Variants in CEP170 observed in about 807,000 individuals in gnomAD.
CEP170 encodes the protein centrosomal protein 170.
CEP170 carries 21 observed loss-of-function variants against 151.9 expected under a neutral mutation model. The ratio of observed to expected loss-of-function variants is 0.14; its 90% CI spans 0.10 to 0.20. The LOEUF (loss-of-function observed/expected upper bound fraction) is 0.20, where lower values mean the gene tolerates loss of function less well. CEP170 is among the 10% of genes least tolerant of loss of function. The pLI is 1.00. For synonymous variants in CEP170, 356 were observed against 648.8 expected, an observed-to-expected ratio of 0.55 and a Z score of 6.86; for missense variants, 964 against 1,892.9, an observed-to-expected ratio of 0.51 and a Z score of 9.11.
At chr1:243,203,535 G>A (rs557977257) in intron 4 of CEP170, among the ~76,000 whole-genome samples, 3 of 152,194 alleles carry the variant, frequency 2.0e-5, no homozygotes, top group Middle Eastern at 3.4e-3. Flanking sequence ...ATTCCAAGGG[G>A]TATGACCTAA....
At chr1:243,216,451 GGT>G (rs893811589) in intron 3 of CEP170, among the ~76,000 whole-genome samples, 2 of 148,426 alleles carry the variant, frequency 1.3e-5, no homozygotes, top group African/African-American at 5.0e-5. Context: ...GAGAACATCT[GGT>G]GTTTGGTTTT....
intron 13 of CEP170, among the ~76,000 whole-genome samples, chr1:243,160,668 A>G (rs1304610642): frequency 6.6e-6 from 1 of 152,192 alleles, no homozygotes; most frequent in African/African-American, 2.4e-5. Context: ...TTAGTGGAAA[A>G]TTACCACAAA....
intron 1 of CEP170, among the ~76,000 whole-genome samples, chr1:243,243,189 A>G (rs1572633209): frequency 6.6e-6 from 1 of 152,092 alleles, no homozygotes; most frequent in South Asian, 2.1e-4. Flanking sequence ...ATGCCACTGC[A>G]CTCCAGCCTG....
chr1:243,130,897 A>T (rs952404133), intron 17 of CEP170, among the ~76,000 whole-genome samples: 5 of 151,780 alleles, frequency 3.3e-5, no homozygotes, highest in African/African-American at 1.2e-4. Context: ...TCTTTTCTAA[A>T]TTATTATGTT....
At chr1:243,176,274 C>G (rs1031491462) in intron 10 of CEP170, among the ~76,000 whole-genome samples, 1 of 151,980 alleles carries the variant, frequency 6.6e-6, no homozygotes, top group Non-Finnish European at 1.5e-5. Flanking sequence ...AATTTTTATG[C>G]TTGCACCCCA....
chr1:243,145,611 A>G (rs2056382859), intron 14 of CEP170, among the ~76,000 whole-genome samples: 1 of 152,192 alleles, frequency 6.6e-6, no homozygotes. Flanking sequence ...ATTCATTTTC[A>G]AACGTTTTTA....
chr1:243,195,171 G>A (rs2060561500), intron 7 of CEP170, among the ~76,000 whole-genome samples: 1 of 151,516 alleles, frequency 6.6e-6, no homozygotes, highest in African/African-American at 2.4e-5. Flanking sequence ...TTGCTTAAAA[G>A]GAGCTACGAC....
intron 1 of CEP170, among the ~76,000 whole-genome samples, chr1:243,242,509 C>G (rs750597846): frequency 7.2e-5 from 11 of 152,106 alleles, no homozygotes; most frequent in Non-Finnish European, 1.2e-4. Flanking sequence ...TGAGCCACCA[C>G]GCCCGGCCAA....
chr1:243,225,136 GT>G, intron 2 of CEP170, 39 bp downstream of exon 2: 1 of 1,263,950 alleles, frequency 7.9e-7, no homozygotes, highest in Non-Finnish European at 1.1e-6. Flanking sequence ...CTAATTTCAA[GT>G]TTTGAATAAA....
At chr1:243,178,964 G>A (rs187715812) in intron 10 of CEP170, among the ~76,000 whole-genome samples, 9 of 152,174 alleles carry the variant, frequency 5.9e-5, no homozygotes, top group Admixed American at 1.3e-4. Flanking sequence ...GTGATCACCC[G>A]CCTTGGCCTC....
chr1:243,192,414 T>C (rs1403166498), intron 7 of CEP170, among the ~76,000 whole-genome samples: 1 of 152,094 alleles, frequency 6.6e-6, no homozygotes, highest in Non-Finnish European at 1.5e-5. Flanking sequence ...TAAATAAAAA[T>C]GACAACTAAA....
At chr1:243,194,569 G>A (rs1300820044) in intron 7 of CEP170, among the ~76,000 whole-genome samples, 1 of 151,886 alleles carries the variant, frequency 6.6e-6, no homozygotes, top group Admixed American at 6.6e-5. Flanking sequence ...AATTCATTAT[G>A]TGGAAGGATT....
intron 18 of CEP170, chr1:243,128,698 T>C (rs2054005964): frequency 6.4e-6 from 1 of 156,182 alleles, no homozygotes; most frequent in African/African-American, 2.4e-5. Flanking sequence ...CCCAAAGGAG[T>C]TGGGATGATA....
At chr1:243,226,545 G>A (rs371219698) in intron 1 of CEP170, among the ~76,000 whole-genome samples, 22 of 152,032 alleles carry the variant, frequency 1.4e-4, no homozygotes, top group East Asian at 9.7e-4. Flanking sequence ...AAAAGGGAGA[G>A]GTAATTTAAT....
intron 17 of CEP170, among the ~76,000 whole-genome samples, chr1:243,131,233 T>C (rs1396755715): frequency 3.3e-5 from 5 of 152,314 alleles, no homozygotes; most frequent in African/African-American, 1.2e-4. Flanking sequence ...AGCTCATGCC[T>C]GTAATCCTAG....
intron 14 of CEP170, among the ~76,000 whole-genome samples, chr1:243,150,356 G>T (rs1168385358): frequency 6.6e-6 from 1 of 152,066 alleles, no homozygotes; most frequent in Non-Finnish European, 1.5e-5. Flanking sequence ...TCACCATGTT[G>T]CCCAGGCTGG....
In CEP170 at chr1:243,189,750, T is replaced by C. The variant is rs2148752003; in HGVS notation, c.1108+1268A>G. The stretch of plus-strand genomic sequence containing the variant: ...TATTTCTAAATTCTCAAGGTTCAGC[T>C]ACCTCTTATACTGTACTAGGAGATC... On this transcript the variant is annotated intron_variant, in intron 8 of 19. Transcript: ENST00000366542. Among the ~76,000 whole-genome samples the C allele has an allele frequency of 1.3e-5, 2 of 152,034 alleles. 1 individual carries two copies. The highest frequency in any genetic ancestry group is 6.8e-3 in the Middle Eastern group (2 of 294).
At chr1:243,215,047 A>G (rs1399759695) in intron 3 of CEP170, among the ~76,000 whole-genome samples, 1 of 152,152 alleles carries the variant, frequency 6.6e-6, no homozygotes, top group Non-Finnish European at 1.5e-5. Context: ...TAATACTTTT[A>G]TAATTTCTTA....
At chr1:243,213,224 G>A (rs181458615) in intron 3 of CEP170, among the ~76,000 whole-genome samples, 162 of 151,978 alleles carry the variant, frequency 1.1e-3, no homozygotes, top group African/African-American at 3.7e-3. Flanking sequence ...ACAGACCTAC[G>A]AGCATGATGC....
Sources: allele counts gnomAD v4.1 joint callset (sites outside exome capture counted in the v4.1 genomes callset), GRCh38; gene constraint gnomAD v4.1.1; transcripts MANE v1.5; gene names NCBI Gene and HGNC (gene_info 2026-07-23, HGNC 2026-07-21).